Variants in PTPA observed in about 807,000 individuals in gnomAD.
The protein encoded by PTPA is serine/threonine-protein phosphatase 2A activator.
PTPA carries 13 observed loss-of-function variants against 43.6 expected under a neutral mutation model. That is an observed-to-expected ratio of 0.30 (90% CI 0.19 to 0.47). The LOEUF (loss-of-function observed/expected upper bound fraction) is 0.47, where lower values mean the gene tolerates loss of function less well. Ranked by LOEUF, PTPA falls within the 20% of genes least tolerant of loss-of-function variation. PTPA has a pLI of 0.99. For missense variants in PTPA, 329 were observed against 411.9 expected (o/e 0.80, Z 1.74); for synonymous variants, 172 against 158.2 (o/e 1.09, Z -0.66).
chr9:129,133,322 G>A (rs964746996), intron 5 of PTPA, among the ~76,000 whole-genome samples: 6 of 152,208 alleles, frequency 3.9e-5, no homozygotes, highest in Admixed American at 3.3e-4. Context: ...AAGACCAGCA[G>A]GAAAAGATCA....
intron 8 of PTPA, 97 bp downstream of exon 8, chr9:129,137,789 C>G: frequency 1.7e-6 from 2 of 1,195,842 alleles, no homozygotes. Context: ...GCCAGAGCTG[C>G]TGCCCAAAAT....
chr9:129,111,590 G>T lies in PTPA; in HGVS notation c.-11G>T. 1 of 1,288,130 alleles carries T rather than the reference G, an allele frequency of 7.8e-7. No homozygotes were observed. The highest frequency in any genetic ancestry group is 9.9e-7 in the Non-Finnish European group (1 of 1,009,612). The allele number at this position is 1,288,130 out of a possible 1,614,324, so 79.8% of individuals were successfully genotyped here. On this transcript the variant is annotated 5_prime_UTR_variant, in exon 1 of 10. Coordinates refer to ENST00000393370, the MANE Select transcript of PTPA (RefSeq NM_178000.3). ...CTGCAAGCATCCGGGTCGGCTCCTGGCCGGAGCAAGATGGCTGAGGGCGAG... is the reference window on the plus strand; with the variant it reads ...CTGCAAGCATCCGGGTCGGCTCCTGTCCGGAGCAAGATGGCTGAGGGCGAG...
chr9:129,145,930 C>T (rs1479597851), intron 9 of PTPA, among the ~76,000 whole-genome samples: 1 of 152,114 alleles, frequency 6.6e-6, no homozygotes, highest in African/African-American at 2.4e-5. Flanking sequence ...CTCCTCCTGC[C>T]CTGGAGCCTT....
At chr9:129,130,541 C>T (rs986896584) in intron 4 of PTPA, among the ~76,000 whole-genome samples, 5 of 151,892 alleles carry the variant, frequency 3.3e-5, no homozygotes, top group African/African-American at 1.2e-4. Flanking sequence ...CTACAGCATG[C>T]GCCACCATGC....
intron 9 of PTPA, 54 bp from the exon 10 acceptor site, chr9:129,147,333 G>T: frequency 6.4e-7 from 1 of 1,572,376 alleles, no homozygotes; most frequent in Non-Finnish European, 8.7e-7. Context: ...TTGGGGTCCT[G>T]GCAGGGGTGT....
chr9:129,145,506 C>T (rs751819744), intron 9 of PTPA, among the ~76,000 whole-genome samples: 5 of 152,164 alleles, frequency 3.3e-5, no homozygotes, highest in African/African-American at 1.2e-4. Flanking sequence ...CCTAAGGAGG[C>T]CCTCCAAGGC....
chr9:129,144,335 C>T (rs1449589619), intron 9 of PTPA, among the ~76,000 whole-genome samples: 1 of 152,016 alleles, frequency 6.6e-6, no homozygotes, highest in African/African-American at 2.4e-5. Flanking sequence ...GATGGGGGAG[C>T]TCTCTAGTAA....
Position 129,147,618 on chromosome 9 carries a change from C to T in PTPA, c.*154C>T. 1.2e-6 allele frequency: 1 copy of T among 811,204 alleles called. No homozygotes were observed. The highest frequency in any genetic ancestry group is 1.7e-5 in the African/African-American group (1 of 58,246). The allele number at this position is 811,204 out of a possible 1,614,324, so 50.3% of individuals were successfully genotyped here. On this transcript the variant is annotated 3_prime_UTR_variant, in exon 10 of 10. Coordinates refer to ENST00000393370, the MANE Select transcript of PTPA (RefSeq NM_178000.3). ...GTGGCGAGATGGGCTTGAGGGGGCT[C>T]AGAGCATAAGGCTTCAGGGCCCAAG... is the stretch of plus-strand genomic sequence containing the variant.
At chr9:129,121,115 TAAC>T (rs930450624) in intron 2 of PTPA, among the ~76,000 whole-genome samples, 1 of 152,214 alleles carries the variant, frequency 6.6e-6, no homozygotes, top group African/African-American at 2.4e-5. Context: ...GGGCAGAAGA[TAAC>T]TACTTGTACC....
At chr9:129,120,668 G>C (rs1424471347) in intron 2 of PTPA, 58 bp downstream of exon 2, 5 of 1,476,410 alleles carry the variant, frequency 3.4e-6, no homozygotes, top group Non-Finnish European at 4.7e-6. Context: ...GGTTTTCCTA[G>C]CATGACGGGC....
intron 9 of PTPA, chr9:129,143,421 C>T (rs1318608561): frequency 2.8e-6 from 2 of 702,972 alleles, no homozygotes; most frequent in African/African-American, 1.7e-5. Context: ...GTACTGTGGG[C>T]ACCATCTCTT....
At chr9:129,144,476 C>A (rs555880748) in intron 9 of PTPA, among the ~76,000 whole-genome samples, 1 of 151,496 alleles carries the variant, frequency 6.6e-6, no homozygotes, top group Non-Finnish European at 1.5e-5. Context: ...TGGTGGCTCA[C>A]GCCTGTAATC....
intron 5 of PTPA, 75 bp from the exon 6 acceptor site, chr9:129,134,720 C>G (rs3124509): frequency 4.6e-5 from 56 of 1,216,754 alleles, no homozygotes; most frequent in Non-Finnish European, 6.2e-5. Context: ...ATCAATGATT[C>G]GGATTCTGGG....
chr9:129,142,548 C>A lies in PTPA; in HGVS notation c.890C>A (p.Ala297Asp), dbSNP rs767060052. ...CAGGGTCTCATCCGCATGTATAAGG[C>A]CGAGGTGAGTGGGGGCTGGCCAGTG... ...VNQGLIRMYK[A>D]ECLEKFPVIQ... The change falls in exon 9 of 10, where the codon GCC becomes GAC. Residue 297 changes from alanine (A) to aspartate (D), a missense_variant. Coordinates refer to ENST00000393370, the MANE Select transcript of PTPA (RefSeq NM_178000.3). The A allele has an allele frequency of 1.2e-6, 2 of 1,614,156 alleles. No homozygotes were observed. The highest frequency in any genetic ancestry group is 3.3e-5 in the Admixed American group (2 of 60,020).
chr9:129,113,529 G>A (rs1848679932), intron 1 of PTPA, among the ~76,000 whole-genome samples: 2 of 151,700 alleles, frequency 1.3e-5, no homozygotes, highest in African/African-American at 4.8e-5. Flanking sequence ...AGCACTTTGG[G>A]AGGCCGACAC....
intron 5 of PTPA, among the ~76,000 whole-genome samples, chr9:129,131,846 C>T (rs560306582): frequency 6.6e-6 from 1 of 152,318 alleles, no homozygotes; most frequent in African/African-American, 2.4e-5. Context: ...TGCAGCTCTG[C>T]TGTGGTCCAC....
At chr9:129,131,773 C>T (rs540110967) in intron 5 of PTPA, 134 bp downstream of exon 5, 1 of 869,698 alleles carries the variant, frequency 1.1e-6, no homozygotes, top group Non-Finnish European at 1.8e-6. Flanking sequence ...CTATTGGGGC[C>T]AGCTGGGGTT....
intron 3 of PTPA, among the ~76,000 whole-genome samples, chr9:129,127,571 A>C (rs2768632): frequency 1 from 151,739 of 152,360 alleles, 75,567 homozygotes; most frequent in Middle Eastern, 1. Context: ...GCTATTTCTA[A>C]AAGCCAACCT....
intron 8 of PTPA, chr9:129,139,858 T>A (rs2131611697): frequency 6.6e-6 from 1 of 152,006 alleles, no homozygotes; most frequent in South Asian, 2.1e-4. Context: ...CTGATACCCG[T>A]GGGCATCCTA....
Sources: allele counts gnomAD v4.1 joint callset (sites outside exome capture counted in the v4.1 genomes callset), GRCh38; gene constraint gnomAD v4.1.1; transcripts MANE v1.5; gene names NCBI Gene and HGNC (gene_info 2026-07-23, HGNC 2026-07-21).